MCTP1: variants seen among roughly 807,000 people sequenced by gnomAD.
The protein encoded by MCTP1 is multiple C2 and transmembrane domain containing 1, also known as multiple C2 and transmembrane domain-containing protein 1.
MCTP1 carries 69 observed loss-of-function variants against 120.6 expected under a neutral mutation model. That is an observed-to-expected ratio of 0.57 (90% CI 0.47 to 0.70). MCTP1 has a LOEUF of 0.70. MCTP1 is among the 30% of genes least tolerant of loss of function. MCTP1 has a pLI of 0.00. For synonymous variants in MCTP1, 529 were observed against 493.1 expected (o/e 1.07, Z -0.96); for missense variants, 1,203 against 1,248.8 (o/e 0.96, Z 0.55).
intron 3 of MCTP1, among the ~76,000 whole-genome samples, chr5:94,947,560 A>G (rs112072722): frequency 0.018 from 662 of 37,086 alleles, 31 homozygotes; most frequent in South Asian, 0.063. Flanking sequence ...TACTAAATAT[A>G]TATATATATA....
intron 11 of MCTP1, among the ~76,000 whole-genome samples, chr5:94,893,350 ATTG>A (rs1300696531): frequency 6.6e-6 from 1 of 152,194 alleles, no homozygotes; most frequent in Non-Finnish European, 1.5e-5. Context: ...TTCCATTAAA[ATTG>A]TTGTAATTCA....
intron 13 of MCTP1, 64 bp downstream of exon 13, chr5:94,873,073 AAC>A (rs1798127957): frequency 1.1e-6 from 1 of 931,230 alleles, no homozygotes; most frequent in African/African-American, 1.6e-5. Context: ...TTTTTTTTAA[AAC>A]CCTCAAAAAT....
chr5:95,272,882 C>T (rs1454661466), intron 1 of MCTP1, among the ~76,000 whole-genome samples: 1 of 152,202 alleles, frequency 6.6e-6, no homozygotes, highest in South Asian at 2.1e-4. Context: ...ACTTGAAATG[C>T]TATTGAGTTG....
At position 94,819,715 on chromosome 5, in the gene MCTP1, GA is replaced by G. The variant is rs1428771837; in HGVS notation, c.2437-20584del. ...GACATTCTGAGTGAGTCTTCTCCAT[GA>G]TAATTCACCAGTCAACCATCTCAGG... On this transcript the variant is annotated intron_variant, in intron 17 of 22. Transcript: ENST00000515393. Among the ~76,000 whole-genome samples the G allele has an allele frequency of 3.3e-5, 5 of 152,282 alleles. No individual in the cohort carries two copies. The East Asian group carries it at 9.6e-4, about 29-fold the overall frequency.
At position 94,706,079 on chromosome 5, in the gene MCTP1, G is replaced by T. The variant is rs1292843532; in HGVS notation, c.*1417C>A. ...TTTATTGTTAAAGAATCTTCCTTTA[G>T]AGTGAAATATACATTTCTTTTAGCT... is the stretch of plus-strand genomic sequence containing the variant. On this transcript the variant is annotated 3_prime_UTR_variant, in exon 23 of 23. Coordinates refer to ENST00000515393, the MANE Select transcript of MCTP1 (RefSeq NM_024717.7). The T allele has an allele frequency of 2.0e-5, 3 of 151,618 alleles. No individual in the cohort carries two copies. The highest frequency in any genetic ancestry group is 1.3e-4 in the Admixed American group (2 of 15,188). The allele number at this position is 151,618 out of a possible 1,614,324, so 9.4% of individuals were successfully genotyped here. A position where few individuals can be genotyped will look rare whatever the true frequency, so the allele number is the denominator to read the frequency against.
chr5:95,005,108 G>A (rs1201034172), intron 2 of MCTP1, among the ~76,000 whole-genome samples: 1 of 152,208 alleles, frequency 6.6e-6, no homozygotes, highest in Non-Finnish European at 1.5e-5. Context: ...TGTCAAAGGA[G>A]ATCATTTTGG....
At chr5:94,736,923 T>C (rs1375953157) in intron 19 of MCTP1, among the ~76,000 whole-genome samples, 1 of 152,180 alleles carries the variant, frequency 6.6e-6, no homozygotes, top group Admixed American at 6.5e-5. Flanking sequence ...ATGCCAGGCA[T>C]AGGATAGAGA....
intron 1 of MCTP1, among the ~76,000 whole-genome samples, chr5:95,255,508 G>A (rs1369110295): frequency 6.6e-6 from 1 of 152,088 alleles, no homozygotes; most frequent in Non-Finnish European, 1.5e-5. Context: ...AATAAACTGA[G>A]TGGCACTGCA....
At chr5:95,283,484 C>A (rs980667124) in intron 1 of MCTP1, among the ~76,000 whole-genome samples, 3 of 152,226 alleles carry the variant, frequency 2.0e-5, no homozygotes, top group Non-Finnish European at 2.9e-5. Flanking sequence ...CACCACCACA[C>A]GTGATCGTAA....
At chr5:95,054,498 C>T (rs1746833180) in intron 1 of MCTP1, among the ~76,000 whole-genome samples, 1 of 152,184 alleles carries the variant, frequency 6.6e-6, no homozygotes. Flanking sequence ...CTGAGTATCA[C>T]CCACTTGACA....
chr5:94,968,278 C>A (rs74293143), intron 2 of MCTP1, among the ~76,000 whole-genome samples: 4 of 151,946 alleles, frequency 2.6e-5, no homozygotes, highest in African/African-American at 9.7e-5. Context: ...TAAATAGATT[C>A]CTTTTCTGTA....
At chr5:95,130,882 C>T (rs1758991096) in intron 1 of MCTP1, among the ~76,000 whole-genome samples, 1 of 152,122 alleles carries the variant, frequency 6.6e-6, no homozygotes, top group East Asian at 1.9e-4. Context: ...ACACAATTGG[C>T]TAGGTGCAAG....
intron 1 of MCTP1, among the ~76,000 whole-genome samples, chr5:95,211,827 T>A (rs901039421): frequency 2.0e-5 from 3 of 152,202 alleles, no homozygotes; most frequent in Non-Finnish European, 2.9e-5. Context: ...TGGTCTTTGA[T>A]GATGGTGATG....
chr5:94,915,740 A>C (rs1175440216), intron 8 of MCTP1, among the ~76,000 whole-genome samples: 1 of 151,972 alleles, frequency 6.6e-6, no homozygotes, highest in East Asian at 1.9e-4. Context: ...AGCCATTTTC[A>C]CCCTGTAAGT....
intron 17 of MCTP1, chr5:94,826,772 CT>C (rs61324420): frequency 5.1e-4 from 22 of 43,004 alleles, no homozygotes; most frequent in African/African-American, 2.5e-3. Context: ...GTGACCCCTG[CT>C]TTTTTTTTTT....
chr5:94,940,211 T>C lies in MCTP1; in HGVS notation c.1062-16A>G, dbSNP rs1817238823. The C allele has an allele frequency of 6.0e-6, 9 of 1,499,866 alleles. No homozygotes were observed. The highest frequency in any genetic ancestry group is 8.2e-6 in the Non-Finnish European group (9 of 1,091,362). 92.9% of individuals were successfully genotyped at this position (1,499,866 alleles called of 1,614,324 possible). A position where few individuals can be genotyped will look rare whatever the true frequency, so the allele number is the denominator to read the frequency against. ...ATCTGTGGGCCTGTGATAGAAAATA[T>C]TTAGATTTTGAACAGTCATTAAATG... On this transcript the variant is annotated splice_polypyrimidine_tract_variant and intron_variant, in intron 4 of 22. Coordinates refer to ENST00000515393, the MANE Select transcript of MCTP1 (RefSeq NM_024717.7).
chr5:95,052,459 A>T (rs1400243289), intron 1 of MCTP1, among the ~76,000 whole-genome samples: 1 of 152,220 alleles, frequency 6.6e-6, no homozygotes, highest in Non-Finnish European at 1.5e-5. Flanking sequence ...CCTGTATTTT[A>T]TCTGGCAATC....
At chr5:94,870,555 G>A (rs1040868083) in intron 15 of MCTP1, 64 bp from the exon 16 acceptor site, 23 of 1,198,902 alleles carry the variant, frequency 1.9e-5, no homozygotes, top group Admixed American at 3.5e-5. Context: ...AGTTTTTCAC[G>A]CAGTTCAATT....
intron 1 of MCTP1, among the ~76,000 whole-genome samples, chr5:95,018,115 GT>G (rs1837472888): frequency 6.6e-6 from 1 of 152,046 alleles, no homozygotes; most frequent in Non-Finnish European, 1.5e-5. Context: ...AAAAATGTTT[GT>G]GAGCCTGCCT....
Sources: allele counts gnomAD v4.1 joint callset (sites outside exome capture counted in the v4.1 genomes callset), GRCh38; gene constraint gnomAD v4.1.1; transcripts MANE v1.5; gene names NCBI Gene and HGNC (gene_info 2026-07-23, HGNC 2026-07-21).